The following PDE7A variants were observed in gnomAD, a reference collection of about 807,000 sequenced individuals.
PDE7A encodes the protein high affinity 3',5'-cyclic-AMP phosphodiesterase 7A.
Under a neutral mutation model 64.3 loss-of-function variants are expected in PDE7A, and 39 were observed. That is an observed-to-expected ratio of 0.61 (90% CI 0.47 to 0.79). The LOEUF (loss-of-function observed/expected upper bound fraction) is 0.79, where lower values mean the gene tolerates loss of function less well. Among genes scored for constraint, PDE7A ranks in the 30% least tolerant of loss-of-function variants. The probability of loss-of-function intolerance (pLI) is 0.00; values close to 1 mark genes in which losing one functional copy is unlikely to be tolerated. For missense variants in PDE7A, 470 were observed against 582.8 expected (o/e 0.81, Z 1.99); for synonymous variants, 203 against 206.8 (o/e 0.98, Z 0.16).
At chr8:65,737,839 C>T (rs1807216366) in intron 6 of PDE7A, among the ~76,000 whole-genome samples, 2 of 152,072 alleles carry the variant, frequency 1.3e-5, no homozygotes, top group Non-Finnish European at 2.9e-5. Context: ...ATTAAATGTC[C>T]CCACCAGCAA....
intron 1 of PDE7A, among the ~76,000 whole-genome samples, chr8:65,793,775 A>C (rs1455791603): frequency 6.6e-6 from 1 of 151,470 alleles, no homozygotes; most frequent in Non-Finnish European, 1.5e-5. Flanking sequence ...GCTGTAACAT[A>C]AAATAACCTA....
intron 1 of PDE7A, among the ~76,000 whole-genome samples, chr8:65,838,008 T>C (rs1013732109): frequency 6.6e-6 from 1 of 151,550 alleles, no homozygotes; most frequent in Admixed American, 6.6e-5. Flanking sequence ...ATTCTATGAG[T>C]ATATATTTGT....
Position 65,815,754 on chromosome 8 carries a change from G to A in PDE7A, c.138+25617C>T, listed in dbSNP as rs951029283. Among the ~76,000 whole-genome samples the A allele has an allele frequency of 6.6e-5, 10 of 152,014 alleles. No homozygotes were observed. In the East Asian group the frequency reaches 1.2e-3, roughly 18 times the overall value. On this transcript the variant is annotated intron_variant, in intron 1 of 12. Transcript: ENST00000401827. ...TTAATGTAACAGTACAAAAAAATTC[G>A]TTGATATGGTTTCAGATCCTATGTT...
intron 1 of PDE7A, among the ~76,000 whole-genome samples, chr8:65,803,983 T>C (rs906559982): frequency 6.6e-6 from 1 of 152,170 alleles, no homozygotes; most frequent in African/African-American, 2.4e-5. Context: ...AGAAAAAATA[T>C]GCATCATTCA....
intron 5 of PDE7A, among the ~76,000 whole-genome samples, chr8:65,742,199 T>C (rs1009495209): frequency 1.3e-5 from 2 of 152,232 alleles, no homozygotes; most frequent in Non-Finnish European, 2.9e-5. Context: ...TAAAAATATA[T>C]CAAAAGATAG....
At chr8:65,744,208 T>TACAAA (rs140231902) in intron 5 of PDE7A, among the ~76,000 whole-genome samples, 333 of 151,598 alleles carry the variant, frequency 2.2e-3, no homozygotes, top group African/African-American at 4.6e-3. Flanking sequence ...TTAGTTGTGT[T>TACAAA]ACAAAACAAA....
At chr8:65,786,269 C>T (rs935222592) in intron 1 of PDE7A, among the ~76,000 whole-genome samples, 8 of 152,094 alleles carry the variant, frequency 5.3e-5, no homozygotes, top group Non-Finnish European at 1.0e-4. Flanking sequence ...CAAGACATAG[C>T]TTTTATGAAA....
intron 1 of PDE7A, among the ~76,000 whole-genome samples, chr8:65,829,894 T>C (rs968214288): frequency 6.6e-6 from 1 of 152,082 alleles, no homozygotes; most frequent in African/African-American, 2.4e-5. Context: ...AAAGGGAATA[T>C]AGTAAACCAG....
intron 12 of PDE7A, chr8:65,719,829 T>A (rs892259866): frequency 3.3e-6 from 1 of 298,560 alleles, no homozygotes; most frequent in Non-Finnish European, 6.5e-6. Context: ...TACTCGGGCA[T>A]AGCCCAATTC....
At chr8:65,727,368 G>A in intron 7 of PDE7A, 67 bp from the exon 8 acceptor site, 1 of 1,587,170 alleles carries the variant, frequency 6.3e-7, no homozygotes, top group Non-Finnish European at 8.6e-7. Context: ...CATCACAGTA[G>A]TTTTGAATTA....
At position 65,841,441 on chromosome 8, in the gene PDE7A, C is replaced by T; in HGVS notation, c.68G>A (p.Arg23His). The T allele has an allele frequency of 6.4e-7, 1 of 1,561,802 alleles. No homozygotes were observed. Among genetic ancestry groups the T allele is most frequent in the Non-Finnish European group, 8.6e-7 (1 of 1,159,234 alleles). ...DRPVPQHVLS[R>H]RGAISFSSSS... ...GGAGCTGAAGCTGATGGCTCCTCGGCGGCTGAGGACGTGCTGGGGGACCGG... is the reference window on the plus strand; with the variant it reads ...GGAGCTGAAGCTGATGGCTCCTCGGTGGCTGAGGACGTGCTGGGGGACCGG... Residue 23 changes from arginine (R) to histidine (H), a missense_variant, in exon 1 of 13, where the codon CGC becomes CAC. Transcript: ENST00000401827.
intron 3 of PDE7A, among the ~76,000 whole-genome samples, chr8:65,758,022 A>AT (rs143800071): frequency 0.039 from 5,981 of 152,082 alleles, 172 homozygotes; most frequent in Non-Finnish European, 0.06. Flanking sequence ...CTTGTCATTT[A>AT]TTTTTACTCA....
At position 65,715,947 on chromosome 8, in the gene PDE7A, A is replaced by G. The variant is rs1452382445; in HGVS notation, c.*3343T>C. Reference sequence around the variant, plus strand: ...GGGAGGCGGAACTTGCAGTGAGCCAATATCGCGGCACTGCACTCCAGCCTG... The same window carrying G: ...GGGAGGCGGAACTTGCAGTGAGCCAGTATCGCGGCACTGCACTCCAGCCTG... On this transcript the variant is annotated 3_prime_UTR_variant, in exon 13 of 13. Coordinates refer to ENST00000401827, the MANE Select transcript of PDE7A (RefSeq NM_001242318.3). Among the ~76,000 whole-genome samples, 2 of 143,908 alleles carry G rather than the reference A, an allele frequency of 1.4e-5. No individual in the cohort carries two copies. Among genetic ancestry groups the G allele is most frequent in the Non-Finnish European group, 3.0e-5 (2 of 66,466 alleles). 94.4% of individuals were successfully genotyped at this position (143,908 alleles called of 152,430 possible). A position where few individuals can be genotyped will look rare whatever the true frequency, so the allele number is the denominator to read the frequency against.
At chr8:65,749,736 A>G (rs1419261593) in intron 3 of PDE7A, among the ~76,000 whole-genome samples, 1 of 152,254 alleles carries the variant, frequency 6.6e-6, no homozygotes, top group Non-Finnish European at 1.5e-5. Flanking sequence ...CTAAGGTCAC[A>G]TACCCAATAT....
At chr8:65,731,966 A>G (rs2128895888) in intron 7 of PDE7A, among the ~76,000 whole-genome samples, 2 of 151,170 alleles carry the variant, frequency 1.3e-5, no homozygotes, top group East Asian at 1.9e-4. Context: ...GTCATTCTCT[A>G]TATTATTATT....
At chr8:65,762,285 G>A (rs1808536018) in intron 3 of PDE7A, among the ~76,000 whole-genome samples, 1 of 151,986 alleles carries the variant, frequency 6.6e-6, no homozygotes. Flanking sequence ...TGTTAACATC[G>A]GGTAATTACA....
intron 1 of PDE7A, among the ~76,000 whole-genome samples, chr8:65,797,184 C>T (rs191182015): frequency 7.9e-5 from 12 of 152,214 alleles, no homozygotes; most frequent in African/African-American, 2.4e-4. Context: ...TTGTGTCCCC[C>T]CAAAAGATAT....
chr8:65,760,495 C>T lies in PDE7A; in HGVS notation c.284-12692G>A, dbSNP rs888983879. Reference sequence around the variant, plus strand: ...TAGAACAAGGAATAGGAGTGCACTTCAATAGTGTCTAAAACCCATGCCAAA... The same window carrying T: ...TAGAACAAGGAATAGGAGTGCACTTTAATAGTGTCTAAAACCCATGCCAAA... On this transcript the variant is annotated intron_variant, in intron 3 of 12. Coordinates refer to ENST00000401827, the MANE Select transcript of PDE7A (RefSeq NM_001242318.3). Among the ~76,000 whole-genome samples the T allele has an allele frequency of 2.0e-5, 3 of 152,194 alleles. No homozygotes were observed. The South Asian group carries it at 6.2e-4, about 32-fold the overall frequency.
At chr8:65,834,939 C>A (rs548874111) in intron 1 of PDE7A, among the ~76,000 whole-genome samples, 1 of 152,304 alleles carries the variant, frequency 6.6e-6, no homozygotes, top group Non-Finnish European at 1.5e-5. Flanking sequence ...TCCTCATATG[C>A]TGATCCTATG....
Sources: gnomAD v4.1 joint callset for allele counts (sites outside exome capture counted in the v4.1 genomes callset) on GRCh38, gnomAD v4.1.1 for gene constraint, MANE v1.5 for transcripts, NCBI Gene and HGNC (gene_info 2026-07-23, HGNC 2026-07-21) for gene names.